The following PRKG1 variants were observed in gnomAD, a reference collection of about 807,000 sequenced individuals.
The protein encoded by PRKG1 is cGMP-dependent protein kinase 1.
A neutral mutation model predicts 88.1 loss-of-function variants in PRKG1; 35 were observed. The observed-to-expected ratio is 0.40, with a 90% confidence interval of 0.30 to 0.53. The LOEUF (loss-of-function observed/expected upper bound fraction) is 0.53, where lower values mean the gene tolerates loss of function less well. PRKG1 is among the 20% of genes least tolerant of loss of function. PRKG1 has a pLI of 0.59. For missense variants in PRKG1, 540 were observed against 839.8 expected, an observed-to-expected ratio of 0.64 and a Z score of 4.41; for synonymous variants, 303 against 292.5, an observed-to-expected ratio of 1.04 and a Z score of -0.37.
intron 4 of PRKG1, among the ~76,000 whole-genome samples, chr10:51,859,057 G>C (rs1353275137): frequency 6.6e-6 from 1 of 152,166 alleles, no homozygotes; most frequent in African/African-American, 2.4e-5. Flanking sequence ...ATTTGAGAAA[G>C]TGATGAGGCC....
intron 3 of PRKG1, among the ~76,000 whole-genome samples, chr10:51,616,455 G>A (rs1184756669): frequency 1.3e-5 from 2 of 152,164 alleles, no homozygotes; most frequent in Non-Finnish European, 2.9e-5. Flanking sequence ...AGTGGCTGTG[G>A]TGGGCTTAGG....
At chr10:51,862,644 C>A (rs1840912419) in intron 4 of PRKG1, among the ~76,000 whole-genome samples, 1 of 152,048 alleles carries the variant, frequency 6.6e-6, no homozygotes, top group African/African-American at 2.4e-5. Flanking sequence ...GGCTAAAAGG[C>A]ATCGAGAAAG....
At chr10:51,667,655 C>G (rs747707010) in intron 3 of PRKG1, among the ~76,000 whole-genome samples, 36 of 152,128 alleles carry the variant, frequency 2.4e-4, no homozygotes, top group Non-Finnish European at 4.3e-4. Context: ...GGGTATTAAT[C>G]TTATTCATCT....
At chr10:51,343,417 C>T (rs776655437) in intron 2 of PRKG1, among the ~76,000 whole-genome samples, 16 of 152,144 alleles carry the variant, frequency 1.1e-4, no homozygotes, top group Non-Finnish European at 2.9e-5. Flanking sequence ...ACACAGTTGG[C>T]ATTCTGCAGT....
In PRKG1 at chr10:52,296,378, T is replaced by C. The variant is rs910484306; in HGVS notation, c.*2478T>C. 1 of 152,066 alleles carries C rather than the reference T, an allele frequency of 6.6e-6. No homozygotes were observed. The highest frequency in any genetic ancestry group is 2.4e-5 in the African/African-American group (1 of 41,440). The allele number at this position is 152,066 out of a possible 1,614,324, so 9.4% of individuals were successfully genotyped here. ...GTTCATTTCACCCATAGCATTGCATTTGATGTCTGAAGTAATTACCACAAA... is the reference window on the plus strand; with the variant it reads ...GTTCATTTCACCCATAGCATTGCATCTGATGTCTGAAGTAATTACCACAAA... On this transcript the variant is annotated 3_prime_UTR_variant, in exon 18 of 18. Coordinates refer to ENST00000373980, the MANE Select transcript of PRKG1 (RefSeq NM_006258.4).
chr10:51,177,421 C>T (rs1409623333), intron 2 of PRKG1, among the ~76,000 whole-genome samples: 1 of 152,076 alleles, frequency 6.6e-6, no homozygotes, highest in Non-Finnish European at 1.5e-5. Flanking sequence ...TTTCTGTTAA[C>T]AAACTTTGCT....
intron 2 of PRKG1, among the ~76,000 whole-genome samples, chr10:51,275,740 G>A (rs2132187273): frequency 6.6e-6 from 1 of 152,206 alleles, no homozygotes; most frequent in Non-Finnish European, 1.5e-5. Context: ...AACAACCAGA[G>A]TGACAAATGG....
intron 2 of PRKG1, among the ~76,000 whole-genome samples, chr10:51,248,732 G>A (rs1839354830): frequency 6.6e-6 from 1 of 151,524 alleles, no homozygotes; most frequent in South Asian, 2.1e-4. Flanking sequence ...ATGGAAAATT[G>A]TAAAATTTAT....
chr10:52,033,825 C>A (rs148278509), intron 5 of PRKG1, among the ~76,000 whole-genome samples: 2 of 152,056 alleles, frequency 1.3e-5, no homozygotes, highest in East Asian at 3.9e-4. Flanking sequence ...TTATTTCACC[C>A]GGGTGCAGGC....
At chr10:52,004,590 C>T (rs1008625559) in intron 5 of PRKG1, among the ~76,000 whole-genome samples, 4 of 152,078 alleles carry the variant, frequency 2.6e-5, no homozygotes, top group African/African-American at 9.7e-5. Context: ...TTTAATTTTC[C>T]TTAAAAATGC....
chr10:51,661,685 T>C (rs1400065018), intron 3 of PRKG1, among the ~76,000 whole-genome samples: 1 of 152,164 alleles, frequency 6.6e-6, no homozygotes, highest in Admixed American at 6.5e-5. Context: ...TCCTCAAGGA[T>C]CTAGAACTAG....
At chr10:51,101,450 A>C (rs1844678840) in intron 1 of PRKG1, among the ~76,000 whole-genome samples, 1 of 152,192 alleles carries the variant, frequency 6.6e-6, no homozygotes, top group Non-Finnish European at 1.5e-5. Context: ...TTGTTATGGC[A>C]GCCCAAGAAG....
chr10:51,678,153 G>T (rs992337219), intron 3 of PRKG1, among the ~76,000 whole-genome samples: 1 of 152,100 alleles, frequency 6.6e-6, no homozygotes, highest in East Asian at 1.9e-4. Context: ...GTTTAGCTTA[G>T]AAACAATCAT....
intron 2 of PRKG1, among the ~76,000 whole-genome samples, chr10:51,314,922 C>T (rs1400937885): frequency 6.6e-6 from 1 of 152,148 alleles, no homozygotes; most frequent in Non-Finnish European, 1.5e-5. Context: ...CATCTATGCC[C>T]TTGAGTTGGT....
intron 2 of PRKG1, among the ~76,000 whole-genome samples, chr10:51,291,421 A>G (rs924673376): frequency 2.6e-5 from 4 of 151,832 alleles, no homozygotes; most frequent in African/African-American, 7.2e-5. Context: ...TGGTAACAAG[A>G]TAACGGTAAC....
chr10:51,456,505 A>T (rs904894646), intron 2 of PRKG1, among the ~76,000 whole-genome samples: 1 of 150,132 alleles, frequency 6.7e-6, no homozygotes, highest in Non-Finnish European at 1.5e-5. Context: ...ATAACATAGG[A>T]AAAAAAAACA....
chr10:51,106,645 G>A (rs74131734), intron 1 of PRKG1, among the ~76,000 whole-genome samples: 4,421 of 152,242 alleles, frequency 0.029, 166 homozygotes, highest in African/African-American at 0.083. Flanking sequence ...CAAAAAGTGA[G>A]CATGAATCCC....
intron 4 of PRKG1, among the ~76,000 whole-genome samples, chr10:51,896,699 C>G (rs1242428897): frequency 7.7e-6 from 1 of 129,058 alleles, no homozygotes; most frequent in Non-Finnish European, 1.6e-5. Context: ...AGAGAGGTTA[C>G]ATAACTGGCC....
intron 3 of PRKG1, among the ~76,000 whole-genome samples, chr10:51,758,917 A>G (rs1484675544): frequency 7.3e-6 from 1 of 137,504 alleles, no homozygotes; most frequent in East Asian, 2.2e-4. Context: ...TCATTGTTCA[A>G]CTCCCACTTA....
Sources: gnomAD v4.1 joint callset for allele counts (sites outside exome capture counted in the v4.1 genomes callset) on GRCh38, gnomAD v4.1.1 for gene constraint, MANE v1.5 for transcripts, NCBI Gene and HGNC (gene_info 2026-07-23, HGNC 2026-07-21) for gene names.